The following BBS9 variants were observed in gnomAD, a reference collection of about 807,000 sequenced individuals.
The protein encoded by BBS9 is Bardet-Biedl syndrome 9, also known as protein PTHB1.
BBS9 carries 89 observed loss-of-function variants against 117.7 expected under a neutral mutation model. The observed-to-expected ratio is 0.76, with a 90% CI of 0.64 to 0.90. The LOEUF is 0.90. Ranked by LOEUF, BBS9 falls within the 40% of genes least tolerant of loss-of-function variation. The pLI, the probability that BBS9 is intolerant of heterozygous loss-of-function variation, is 0.00. For synonymous variants in BBS9, 379 were observed against 370.9 expected (o/e 1.02, Z -0.25); for missense variants, 982 against 1,042.2 (o/e 0.94, Z 0.80).
chr7:33,318,946 C>T (rs947607649), intron 9 of BBS9, among the ~76,000 whole-genome samples: 6 of 152,018 alleles, frequency 3.9e-5, no homozygotes, highest in African/African-American at 1.2e-4. Flanking sequence ...GGGCGGATCA[C>T]GAGGTCAGGA....
chr7:33,285,030 T>C (rs1174372679), intron 9 of BBS9, among the ~76,000 whole-genome samples: 2 of 152,222 alleles, frequency 1.3e-5, no homozygotes, highest in East Asian at 3.9e-4. Context: ...GTATATAATA[T>C]GCCATTATTA....
At chr7:33,205,943 A>G (rs888318637) in intron 5 of BBS9, among the ~76,000 whole-genome samples, 2 of 152,184 alleles carry the variant, frequency 1.3e-5, no homozygotes, top group Admixed American at 1.3e-4. Context: ...CTTTATAATG[A>G]TTATTGTTAT....
chr7:33,417,423 C>T (rs576902963), intron 19 of BBS9, among the ~76,000 whole-genome samples: 1 of 152,296 alleles, frequency 6.6e-6, no homozygotes, highest in South Asian at 2.1e-4. Flanking sequence ...AGATTTGGGG[C>T]ATTGCAACTG....
At chr7:33,607,375 A>G (rs1195284329), downstream of BBS9, among the ~76,000 whole-genome samples, 2 of 152,120 alleles carry the variant, frequency 1.3e-5, no homozygotes, top group African/African-American at 2.4e-5. Context: ...AAAATTCAAT[A>G]CTTAATGATT....
At chr7:33,332,691 AAC>A (rs1192201282) in intron 9 of BBS9, among the ~76,000 whole-genome samples, 1 of 151,900 alleles carries the variant, frequency 6.6e-6, no homozygotes, top group East Asian at 1.9e-4. Context: ...CAACAACAAC[AAC>A]AACAACAACA....
At chr7:33,519,223 G>C (rs1848250260) in intron 20 of BBS9, among the ~76,000 whole-genome samples, 1 of 152,186 alleles carries the variant, frequency 6.6e-6, no homozygotes, top group Non-Finnish European at 1.5e-5. Flanking sequence ...ATTGTCAGGA[G>C]AGGAGTTGGT....
At chr7:33,444,739 A>G (rs1214464517) in intron 19 of BBS9, among the ~76,000 whole-genome samples, 1 of 152,190 alleles carries the variant, frequency 6.6e-6, no homozygotes, top group South Asian at 2.1e-4. Context: ...GCATGATGGG[A>G]GGTCAACTAA....
At chr7:33,244,343 T>C (rs538775404) in intron 5 of BBS9, among the ~76,000 whole-genome samples, 8 of 152,350 alleles carry the variant, frequency 5.3e-5, no homozygotes, top group African/African-American at 1.9e-4. Flanking sequence ...ATGAAATTCA[T>C]GAGCCTGGGA....
chr7:33,155,415 A>G (rs1158369309), intron 3 of BBS9, among the ~76,000 whole-genome samples: 1 of 152,194 alleles, frequency 6.6e-6, no homozygotes, highest in Non-Finnish European at 1.5e-5. Flanking sequence ...TGTTGGCTTC[A>G]ATCTGAAGGC....
At chr7:33,137,512 C>T (rs983869976) in intron 1 of BBS9, among the ~76,000 whole-genome samples, 4 of 152,318 alleles carry the variant, frequency 2.6e-5, no homozygotes, top group South Asian at 2.1e-4. Flanking sequence ...CCAGTGTCTT[C>T]GCAGTGGCTG....
chr7:33,201,953 G>A (rs540547008), intron 5 of BBS9, among the ~76,000 whole-genome samples: 7 of 152,152 alleles, frequency 4.6e-5, no homozygotes, highest in Non-Finnish European at 8.8e-5. Context: ...GATTACAGAA[G>A]CTCGGCTGTA....
intron 9 of BBS9, among the ~76,000 whole-genome samples, chr7:33,317,001 C>A (rs565355039): frequency 6.6e-6 from 1 of 152,276 alleles, no homozygotes; most frequent in East Asian, 1.9e-4. Context: ...ATAAGTTTAG[C>A]TCTTTTTTAG....
intron 9 of BBS9, among the ~76,000 whole-genome samples, chr7:33,287,836 A>T (rs995724141): frequency 2.6e-5 from 4 of 152,188 alleles, no homozygotes; most frequent in Non-Finnish European, 4.4e-5. Context: ...TATTGTTTTG[A>T]GAGAGGAGAA....
chr7:33,227,779 G>T (rs1791579659), intron 5 of BBS9, among the ~76,000 whole-genome samples: 2 of 152,124 alleles, frequency 1.3e-5, no homozygotes, highest in South Asian at 2.1e-4. Context: ...TGCTGCAAAA[G>T]ACATTATTTT....
intron 19 of BBS9, among the ~76,000 whole-genome samples, chr7:33,392,979 A>G (rs890938828): frequency 9.2e-5 from 14 of 152,128 alleles, no homozygotes; most frequent in South Asian, 2.1e-4. Context: ...CCCTATGAGC[A>G]ACATAAAGAG....
At chr7:33,435,217 G>A (rs776490682) in intron 19 of BBS9, among the ~76,000 whole-genome samples, 2 of 152,080 alleles carry the variant, frequency 1.3e-5, no homozygotes, top group East Asian at 1.9e-4. Flanking sequence ...TGGTAAAAGG[G>A]AGGAAAAAGG....
At chr7:33,277,934 A>C (rs1301210379) in intron 9 of BBS9, among the ~76,000 whole-genome samples, 1 of 152,166 alleles carries the variant, frequency 6.6e-6, no homozygotes. Flanking sequence ...CCTTAGCAAA[A>C]TTCAGGCTAC....
chr7:33,193,123 T>A (rs1784391618), intron 5 of BBS9, among the ~76,000 whole-genome samples: 1 of 152,216 alleles, frequency 6.6e-6, no homozygotes, highest in South Asian at 2.1e-4. Context: ...GGAGATTTGG[T>A]AAATGATACC....
chr7:33,255,949 A>G (rs1796979533), intron 5 of BBS9, among the ~76,000 whole-genome samples: 1 of 152,104 alleles, frequency 6.6e-6, no homozygotes, highest in Admixed American at 6.5e-5. Context: ...TGAGGTCAAG[A>G]GATCGAGACC....
Sources: allele counts gnomAD v4.1 joint callset (sites outside exome capture counted in the v4.1 genomes callset), GRCh38; gene constraint gnomAD v4.1.1; transcripts MANE v1.5; gene names NCBI Gene and HGNC (gene_info 2026-07-23, HGNC 2026-07-21).